NXPH2: variants seen among roughly 807,000 people sequenced by gnomAD.
NXPH2 encodes neurexophilin-2.
In NXPH2, 5 loss-of-function variants were observed where a neutral mutation model predicts 19.8. The observed-to-expected ratio is 0.25, with a 90% CI of 0.13 to 0.53. NXPH2 has a LOEUF of 0.53. NXPH2 is among the 20% of genes least tolerant of loss of function. NXPH2 has a pLI of 0.96. For synonymous variants in NXPH2, 154 were observed against 127.4 expected (o/e 1.21, Z -1.41); for missense variants, 289 against 322.8 (o/e 0.90, Z 0.80).
chr2:138,760,334 G>A (rs1681991122), intron 1 of NXPH2, among the ~76,000 whole-genome samples: 1 of 152,074 alleles, frequency 6.6e-6, no homozygotes, highest in Non-Finnish European at 1.5e-5. Context: ...CTCAACATCT[G>A]CTTAACTTTT....
intron 1 of NXPH2, among the ~76,000 whole-genome samples, chr2:138,713,448 G>C (rs112802599): frequency 1.3e-5 from 2 of 152,298 alleles, no homozygotes; most frequent in East Asian, 3.9e-4. Context: ...GCTTTGCTGC[G>C]TGGTGTTAGG....
chr2:138,715,571 AC>A (rs1160727231), intron 1 of NXPH2, among the ~76,000 whole-genome samples: 3 of 152,164 alleles, frequency 2.0e-5, no homozygotes, highest in African/African-American at 7.2e-5. Flanking sequence ...AGGGGAGAAC[AC>A]CTCTGTGTCA....
intron 1 of NXPH2, among the ~76,000 whole-genome samples, chr2:138,760,416 A>G (rs994373259): frequency 6.6e-6 from 1 of 152,240 alleles, no homozygotes; most frequent in Non-Finnish European, 1.5e-5. Context: ...GCTTCCTAAC[A>G]GCAAAATTCT....
chr2:138,725,234 A>G lies in NXPH2; in HGVS notation c.52-53569T>C, dbSNP rs542504588. ...TGTGCAGTTATTGAAGTAATTCATT[A>G]CAAATATTTACAAAGTGGTTGATGT... On this transcript the variant is annotated intron_variant, in intron 1 of 1. Transcript: ENST00000272641. 2.6e-5 allele frequency among the ~76,000 whole-genome samples: 4 copies of G among 152,358 alleles called. No individual in the cohort carries two copies. In the East Asian group the frequency reaches 5.8e-4, roughly 22 times the overall value.
intron 1 of NXPH2, among the ~76,000 whole-genome samples, chr2:138,698,435 T>C (rs1022043027): frequency 4.5e-4 from 68 of 152,344 alleles, no homozygotes; most frequent in African/African-American, 1.5e-3. Context: ...TTATTTTTAA[T>C]GCACTTCCCT....
At chr2:138,754,959 T>C (rs79102315) in intron 1 of NXPH2, among the ~76,000 whole-genome samples, 1,568 of 152,268 alleles carry the variant, frequency 0.01, 32 homozygotes, top group African/African-American at 0.036. Context: ...CAATCATGAA[T>C]GACAAATGAT....
intron 1 of NXPH2, among the ~76,000 whole-genome samples, chr2:138,735,319 G>T (rs1213972973): frequency 6.6e-6 from 1 of 152,074 alleles, no homozygotes; most frequent in Non-Finnish European, 1.5e-5. Context: ...GAGGTTTAAT[G>T]GACTCACAGT....
intron 1 of NXPH2, among the ~76,000 whole-genome samples, chr2:138,715,227 G>C (rs557199756): frequency 3.3e-5 from 5 of 152,226 alleles, no homozygotes; most frequent in African/African-American, 1.2e-4. Context: ...TATCTATTAA[G>C]TGAGTTTAGA....
intron 1 of NXPH2, among the ~76,000 whole-genome samples, chr2:138,773,954 A>G (rs1423770635): frequency 6.6e-6 from 1 of 152,214 alleles, no homozygotes; most frequent in Non-Finnish European, 1.5e-5. Context: ...TAGGTCTCAC[A>G]TGCCAGTTTT....
intron 1 of NXPH2, among the ~76,000 whole-genome samples, chr2:138,718,888 G>C (rs1167051456): frequency 6.6e-6 from 1 of 152,126 alleles, no homozygotes; most frequent in Admixed American, 6.5e-5. Flanking sequence ...GGGAAGTACA[G>C]GAGACGGGAG....
At position 138,686,747 on chromosome 2, in the gene NXPH2, T is replaced by C. The variant is rs540844433; in HGVS notation, c.52-15082A>G. Among the ~76,000 whole-genome samples the C allele has an allele frequency of 4.0e-4, 61 of 152,186 alleles. 2 individuals carry two copies. The South Asian group carries it at 0.012, about 31-fold the overall frequency. On this transcript the variant is annotated intron_variant, in intron 1 of 1. Transcript: ENST00000272641. ...CCCCAGTGTGTGATGTTCCCCTTCC[T>C]GTGTCCGTGTGTTCTCATTGTTCAA...
At chr2:138,776,878 T>G (rs761714930) in intron 1 of NXPH2, among the ~76,000 whole-genome samples, 3 of 152,026 alleles carry the variant, frequency 2.0e-5, no homozygotes, top group Non-Finnish European at 2.9e-5. Context: ...AAGATGAACT[T>G]AAAATTTTAC....
At chr2:138,769,784 C>A (rs1293327518) in intron 1 of NXPH2, among the ~76,000 whole-genome samples, 1 of 152,094 alleles carries the variant, frequency 6.6e-6, no homozygotes, top group African/African-American at 2.4e-5. Context: ...TCAGTTTGGA[C>A]CTCTTAGTAA....
At chr2:138,756,012 C>T (rs970077230) in intron 1 of NXPH2, among the ~76,000 whole-genome samples, 4 of 151,844 alleles carry the variant, frequency 2.6e-5, no homozygotes, top group African/African-American at 9.7e-5. Flanking sequence ...ACTTACTAAC[C>T]TTGTATCCTG....
At chr2:138,723,451 G>A (rs982584905) in intron 1 of NXPH2, among the ~76,000 whole-genome samples, 1 of 152,168 alleles carries the variant, frequency 6.6e-6, no homozygotes, top group African/African-American at 2.4e-5. Context: ...ATTACGCCAT[G>A]AGGACACTCT....
intron 1 of NXPH2, among the ~76,000 whole-genome samples, chr2:138,728,432 A>C (rs1681392271): frequency 6.6e-6 from 1 of 152,244 alleles, no homozygotes; most frequent in Non-Finnish European, 1.5e-5. Flanking sequence ...TGAGTTTTCC[A>C]TCTTCCATGT....
chr2:138,741,018 T>C (rs1161002494), intron 1 of NXPH2, among the ~76,000 whole-genome samples: 1 of 152,050 alleles, frequency 6.6e-6, no homozygotes, highest in Admixed American at 6.6e-5. Flanking sequence ...ACAATCCCCT[T>C]GCTTCCCACC....
chr2:138,686,812 T>C (rs1680663198), intron 1 of NXPH2, among the ~76,000 whole-genome samples: 1 of 152,190 alleles, frequency 6.6e-6, no homozygotes, highest in Non-Finnish European at 1.5e-5. Context: ...TTTGTTTTTT[T>C]TGTCCTTGCA....
intron 1 of NXPH2, among the ~76,000 whole-genome samples, chr2:138,727,432 G>A (rs971860751): frequency 3.3e-5 from 5 of 152,100 alleles, no homozygotes; most frequent in African/African-American, 9.7e-5. Context: ...TAATAGGTGT[G>A]TAGTGGTATC....
Sources: allele counts gnomAD v4.1 joint callset (sites outside exome capture counted in the v4.1 genomes callset), GRCh38; gene constraint gnomAD v4.1.1; transcripts MANE v1.5; gene names NCBI Gene and HGNC (gene_info 2026-07-23, HGNC 2026-07-21).